GRM1: variants seen among roughly 807,000 people sequenced by gnomAD.
GRM1 encodes the protein glutamate metabotropic receptor 1, also known as metabotropic glutamate receptor 1.
GRM1 carries 33 observed loss-of-function variants against 90.9 expected under a neutral mutation model. The ratio of observed to expected loss-of-function variants is 0.36; its 90% CI spans 0.28 to 0.49. The LOEUF is 0.49. GRM1 is among the 20% of genes least tolerant of loss of function. GRM1 has a pLI of 0.99. For synonymous variants in GRM1, 700 were observed against 613.2 expected (o/e 1.14, Z -2.09); for missense variants, 1,190 against 1,534.3 (o/e 0.78, Z 3.75).
chr6:146,187,864 C>T (rs1379635412), intron 2 of GRM1, among the ~76,000 whole-genome samples: 9 of 151,824 alleles, frequency 5.9e-5, no homozygotes, highest in African/African-American at 4.8e-5. Flanking sequence ...TTTCTATAAT[C>T]GGTAAGAACA....
rs148901921 is a variant in GRM1 at position 146,227,560 on chromosome 6, AG to A, written c.950+67964del. 5.4e-3 allele frequency among the ~76,000 whole-genome samples: 818 copies of A among 152,336 alleles called. 3 individuals are homozygous for A. The highest frequency in any genetic ancestry group is 7.9e-3 in the Non-Finnish European group (538 of 68,030). ...TGACAAATAGGAACTAAGAAATCTT[AG>A]AAGAGACCTTAGAGATCCCATCAAT... On this transcript the variant is annotated intron_variant, in intron 2 of 7. Transcript: ENST00000282753.
intron 2 of GRM1, among the ~76,000 whole-genome samples, chr6:146,238,717 A>G (rs1189863302): frequency 6.6e-6 from 1 of 152,096 alleles, no homozygotes; most frequent in Non-Finnish European, 1.5e-5. Flanking sequence ...ACAGTGGTAC[A>G]GCTGTGCTTG....
intron 1 of GRM1, among the ~76,000 whole-genome samples, chr6:146,041,162 G>A (rs1791087815): frequency 6.6e-6 from 1 of 151,892 alleles, no homozygotes; most frequent in Admixed American, 6.6e-5. Flanking sequence ...GCTTTTATGT[G>A]TTATCTTGGA....
chr6:146,332,790 G>A (rs1032824398), intron 3 of GRM1, among the ~76,000 whole-genome samples: 1 of 152,072 alleles, frequency 6.6e-6, no homozygotes, highest in African/African-American at 2.4e-5. Flanking sequence ...AAGGTATTTT[G>A]TCCTCCTCAA....
intron 1 of GRM1, among the ~76,000 whole-genome samples, chr6:146,066,825 A>G (rs1002622370): frequency 6.6e-6 from 1 of 152,062 alleles, no homozygotes; most frequent in Non-Finnish European, 1.5e-5. Flanking sequence ...AATATGCCTA[A>G]ATCTATGACT....
chr6:146,266,758 A>C (rs1489538099), intron 2 of GRM1, among the ~76,000 whole-genome samples: 1 of 152,254 alleles, frequency 6.6e-6, no homozygotes, highest in Non-Finnish European at 1.5e-5. Context: ...CTCTGGCTAG[A>C]AAACAACTCT....
At chr6:146,191,263 C>G (rs1042742154) in intron 2 of GRM1, among the ~76,000 whole-genome samples, 1 of 152,124 alleles carries the variant, frequency 6.6e-6, no homozygotes, top group African/African-American at 2.4e-5. Context: ...GTCTGTGGAC[C>G]GGGGTGATCC....
At chr6:146,176,779 A>G (rs1778354618) in intron 2 of GRM1, among the ~76,000 whole-genome samples, 1 of 152,068 alleles carries the variant, frequency 6.6e-6, no homozygotes, top group Non-Finnish European at 1.5e-5. Context: ...ACTTCTCTAA[A>G]TAAGCAATAA....
chr6:146,366,278 A>T (rs888709539), intron 5 of GRM1, among the ~76,000 whole-genome samples: 2 of 152,024 alleles, frequency 1.3e-5, no homozygotes, highest in African/African-American at 4.8e-5. Context: ...CACAATGTGT[A>T]ATGATCAAAT....
chr6:146,434,188 T>C lies in GRM1; in HGVS notation c.2977T>C (p.Ser993Pro), dbSNP rs6923492. Residue 993 changes from serine (S) to proline (P), a missense_variant, in exon 8 of 8, where the codon TCC becomes CCC. Ser to Pro is a moderately conservative substitution (Grantham distance 74, BLOSUM62 -1). Transcript: ENST00000282753. ...PSAATTPPLP[S>P]HLTAEETPLF... The stretch of plus-strand genomic sequence containing the variant: ...CGCGGCGACCACTCCGCCTCTGCCG[T>C]CCCACCTGACCGCAGAGGAGACCCC... 855,473 of 1,612,248 alleles carry C rather than the reference T, an allele frequency of 0.53. 229,896 individuals carry two copies. Among genetic ancestry groups the C allele is most frequent in the African/African-American group, 0.71 (52,891 of 74,950 alleles).
intron 7 of GRM1, among the ~76,000 whole-genome samples, chr6:146,420,578 T>C (rs954430987): frequency 2.6e-5 from 4 of 152,162 alleles, no homozygotes; most frequent in African/African-American, 9.7e-5. Flanking sequence ...TTTTATATGT[T>C]CACAGTGTCT....
intron 2 of GRM1, among the ~76,000 whole-genome samples, chr6:146,176,266 C>G (rs1363234116): frequency 6.6e-6 from 1 of 151,894 alleles, no homozygotes. Flanking sequence ...AATAGTCAAG[C>G]AGAGGTTTTG....
At chr6:146,090,299 G>T (rs1776673179) in intron 1 of GRM1, among the ~76,000 whole-genome samples, 1 of 151,974 alleles carries the variant, frequency 6.6e-6, no homozygotes, top group African/African-American at 2.4e-5. Flanking sequence ...TTTAACTCTT[G>T]TTGTATTTCA....
intron 2 of GRM1, among the ~76,000 whole-genome samples, chr6:146,206,304 TCATC>T (rs1779490801): frequency 6.6e-6 from 1 of 152,152 alleles, no homozygotes; most frequent in Non-Finnish European, 1.5e-5. Flanking sequence ...TCTTCCCAGA[TCATC>T]CCCACTTCTA....
rs111927765 is a variant in GRM1, at chr6:146,151,141, A to G, written c.701-8207A>G. 4.1e-3 allele frequency among the ~76,000 whole-genome samples: 624 copies of G among 152,342 alleles called. 3 individuals are homozygous for G. Among genetic ancestry groups the G allele is most frequent in the African/African-American group, 0.014 (591 of 41,572 alleles). On this transcript the variant is annotated intron_variant, in intron 1 of 7. Transcript: ENST00000282753. ...GATCTGTGACCCAAGGGACCAGACC[A>G]GGAATGGATTCATCATCACAGGAGA... is the stretch of plus-strand genomic sequence containing the variant.
At chr6:146,177,678 G>C (rs543661743) in intron 2 of GRM1, among the ~76,000 whole-genome samples, 25 of 151,562 alleles carry the variant, frequency 1.6e-4, no homozygotes, top group Non-Finnish European at 3.2e-4. Flanking sequence ...TTTTTCTTTT[G>C]CTGTTGCTCT....
intron 1 of GRM1, among the ~76,000 whole-genome samples, chr6:146,109,267 G>A (rs1289185700): frequency 6.6e-6 from 1 of 152,166 alleles, no homozygotes; most frequent in Non-Finnish European, 1.5e-5. Flanking sequence ...TGTGGGCAGG[G>A]CTCAGGGTCC....
intron 2 of GRM1, among the ~76,000 whole-genome samples, chr6:146,205,782 T>C (rs1483709786): frequency 6.6e-6 from 1 of 152,216 alleles, no homozygotes; most frequent in East Asian, 1.9e-4. Flanking sequence ...CTGAGAGCAC[T>C]TTGCATTGTA....
intron 2 of GRM1, among the ~76,000 whole-genome samples, chr6:146,165,935 G>A (rs913575972): frequency 6.6e-6 from 1 of 151,902 alleles, no homozygotes; most frequent in African/African-American, 2.4e-5. Context: ...TTCAGATACC[G>A]GACATCTGAA....
Sources: gnomAD v4.1 joint callset for allele counts (sites outside exome capture counted in the v4.1 genomes callset) on GRCh38, gnomAD v4.1.1 for gene constraint, MANE v1.5 for transcripts, NCBI Gene and HGNC (gene_info 2026-07-23, HGNC 2026-07-21) for gene names.